Variants in AGBL4 observed in about 807,000 individuals in gnomAD.
AGBL4 encodes cytosolic carboxypeptidase 6.
In AGBL4, 58 loss-of-function variants were observed where a neutral mutation model predicts 66.4. That is an observed-to-expected ratio of 0.87 (90% CI 0.71 to 1.09). The LOEUF is 1.09. AGBL4 is among the 50% of genes least tolerant of loss of function. AGBL4 has a pLI of 0.00. For missense variants in AGBL4, 579 were observed against 631.0 expected, an observed-to-expected ratio of 0.92 and a Z score of 0.88; for synonymous variants, 234 against 222.9, an observed-to-expected ratio of 1.05 and a Z score of -0.44.
At chr1:48,701,301 G>C (rs1646796628) in intron 6 of AGBL4, among the ~76,000 whole-genome samples, 1 of 152,184 alleles carries the variant, frequency 6.6e-6, no homozygotes, top group Admixed American at 6.5e-5. Context: ...CCCACCCTGT[G>C]GGGTGGGGAC....
chr1:48,838,501 T>G (rs892902795), intron 6 of AGBL4, among the ~76,000 whole-genome samples: 1 of 152,166 alleles, frequency 6.6e-6, no homozygotes, highest in Admixed American at 6.6e-5. Context: ...AGAATAAAAC[T>G]AGACCCCTAT....
chr1:48,616,974 C>A (rs1253412341), intron 9 of AGBL4, among the ~76,000 whole-genome samples: 1 of 152,122 alleles, frequency 6.6e-6, no homozygotes, highest in African/African-American at 2.4e-5. Flanking sequence ...GGGACCATTT[C>A]TTTTATCTCT....
chr1:49,640,387 A>G (rs1053081877), intron 3 of AGBL4, among the ~76,000 whole-genome samples: 1 of 152,126 alleles, frequency 6.6e-6, no homozygotes, highest in African/African-American at 2.4e-5. Flanking sequence ...TGAAACAGCT[A>G]AATCTCTTTA....
chr1:49,372,218 A>T (rs1644360754), intron 3 of AGBL4, among the ~76,000 whole-genome samples: 1 of 152,188 alleles, frequency 6.6e-6, no homozygotes, highest in Non-Finnish European at 1.5e-5. Flanking sequence ...CATGTTAAAA[A>T]CAAAAACTAG....
At chr1:49,567,897 C>T (rs1644245894) in intron 3 of AGBL4, among the ~76,000 whole-genome samples, 2 of 152,254 alleles carry the variant, frequency 1.3e-5, no homozygotes, top group East Asian at 1.9e-4. Flanking sequence ...TCAGAAAAGG[C>T]TTTTGATGAA....
intron 2 of AGBL4, among the ~76,000 whole-genome samples, chr1:49,697,677 T>G (rs1360875143): frequency 6.6e-6 from 1 of 152,168 alleles, no homozygotes; most frequent in Non-Finnish European, 1.5e-5. Context: ...CAGATCCTTT[T>G]ATGCTACAAG....
At chr1:49,407,609 C>A (rs1373830790) in intron 3 of AGBL4, among the ~76,000 whole-genome samples, 1 of 151,960 alleles carries the variant, frequency 6.6e-6, no homozygotes, top group Non-Finnish European at 1.5e-5. Context: ...TGAGATGATA[C>A]ACTTCCAAAG....
chr1:48,971,446 G>A (rs151014881), intron 5 of AGBL4, among the ~76,000 whole-genome samples: 89 of 152,030 alleles, frequency 5.9e-4, no homozygotes, highest in African/African-American at 2.1e-3. Flanking sequence ...ACTCTTCTGT[G>A]ATACATACAC....
intron 4 of AGBL4, among the ~76,000 whole-genome samples, chr1:49,234,033 C>T (rs1019653776): frequency 5.3e-5 from 8 of 152,092 alleles, no homozygotes; most frequent in East Asian, 3.9e-4. Flanking sequence ...CCCAGGTGAC[C>T]GTGGAAACTA....
chr1:48,738,968 C>T (rs372414933), intron 6 of AGBL4, among the ~76,000 whole-genome samples: 12 of 152,320 alleles, frequency 7.9e-5, no homozygotes, highest in East Asian at 3.9e-4. Flanking sequence ...CTAAGGTACA[C>T]AATCAGTCAA....
chr1:49,210,669 C>A (rs543725829), intron 4 of AGBL4, among the ~76,000 whole-genome samples: 1 of 152,030 alleles, frequency 6.6e-6, no homozygotes, highest in Non-Finnish European at 1.5e-5. Context: ...CAACCCCCAA[C>A]AGCCACAGGC....
At chr1:48,980,150 T>C (rs543585010) in intron 5 of AGBL4, among the ~76,000 whole-genome samples, 2 of 152,322 alleles carry the variant, frequency 1.3e-5, no homozygotes, top group East Asian at 3.9e-4. Flanking sequence ...GGCAGCTGCT[T>C]CTCTTCAGCT....
At chr1:49,544,210 T>C (rs975973190) in intron 3 of AGBL4, among the ~76,000 whole-genome samples, 1 of 152,178 alleles carries the variant, frequency 6.6e-6, no homozygotes, top group Non-Finnish European at 1.5e-5. Context: ...TAAATCCTCC[T>C]TGGTTATGGT....
intron 3 of AGBL4, among the ~76,000 whole-genome samples, chr1:49,564,747 TAG>T (rs1191658378): frequency 6.6e-6 from 1 of 152,244 alleles, no homozygotes; most frequent in African/African-American, 2.4e-5. Flanking sequence ...AATTTTGGAA[TAG>T]GTGTGATGTG....
intron 1 of AGBL4, among the ~76,000 whole-genome samples, chr1:50,018,789 T>C (rs1662185718): frequency 6.6e-6 from 1 of 152,110 alleles, no homozygotes; most frequent in African/African-American, 2.4e-5. Context: ...CAAAAAATAG[T>C]TTTCTGTCTC....
At chr1:48,901,519 A>G (rs1030635730) in intron 5 of AGBL4, among the ~76,000 whole-genome samples, 1 of 152,218 alleles carries the variant, frequency 6.6e-6, no homozygotes, top group African/African-American at 2.4e-5. Context: ...TATCTATACA[A>G]TAAAATACTA....
chr1:49,744,293 CCTCT>C (rs149425253), intron 2 of AGBL4, among the ~76,000 whole-genome samples: 40 of 149,672 alleles, frequency 2.7e-4, no homozygotes, highest in African/African-American at 9.7e-4. Flanking sequence ...TCATCTCCAC[CCTCT>C]CTCTCTCTCT....
At chr1:49,208,567 C>G (rs994366244) in intron 4 of AGBL4, among the ~76,000 whole-genome samples, 1 of 151,974 alleles carries the variant, frequency 6.6e-6, no homozygotes, top group East Asian at 1.9e-4. Flanking sequence ...CACATGATGC[C>G]TGTCTCAGAG....
intron 4 of AGBL4, among the ~76,000 whole-genome samples, chr1:49,171,300 T>C (rs554533286): frequency 4.6e-4 from 70 of 152,258 alleles, no homozygotes; most frequent in Non-Finnish European, 9.3e-4. Flanking sequence ...CTGCCTATAG[T>C]GGGTGGACAG....
Sources: allele counts gnomAD v4.1 joint callset (sites outside exome capture counted in the v4.1 genomes callset), GRCh38; gene constraint gnomAD v4.1.1; transcripts MANE v1.5; gene names NCBI Gene and HGNC (gene_info 2026-07-23, HGNC 2026-07-21).